The following TTK variants were observed in gnomAD, a reference collection of about 807,000 sequenced individuals.
TTK encodes the protein dual specificity protein kinase TTK.
TTK carries 59 observed loss-of-function variants against 117.3 expected under a neutral mutation model. That is an observed-to-expected ratio of 0.50 (90% CI 0.41 to 0.62). The LOEUF (loss-of-function observed/expected upper bound fraction) is 0.62. Ranked by LOEUF, TTK falls within the 20% of genes least tolerant of loss-of-function variation. TTK has a pLI of 0.00. For missense variants in TTK, 921 were observed against 989.4 expected (o/e 0.93, Z 0.93); for synonymous variants, 302 against 325.0 (o/e 0.93, Z 0.76).
chr6:80,010,772 A>G lies in TTK; in HGVS notation c.470-42A>G, dbSNP rs1357031960. 24 of 279,456 alleles carry G rather than the reference A, an allele frequency of 8.6e-5. No individual in the cohort carries two copies. The South Asian group carries it at 1.8e-3, about 21-fold the overall frequency. 17.3% of individuals were successfully genotyped at this position (279,456 alleles called of 1,614,324 possible). On this transcript the variant is annotated intron_variant, in intron 4 of 21. Transcript: ENST00000369798. ...TATCTGGGTGGTCTGGGTGGTGGGC[A>G]TTTTACTGCCTAAAAATGACAATTA... is the stretch of plus-strand genomic sequence containing the variant.
At chr6:80,035,513 G>A (rs1767882824) in intron 16 of TTK, 96 bp downstream of exon 16, 3 of 1,249,182 alleles carry the variant, frequency 2.4e-6, no homozygotes, top group Admixed American at 6.0e-5. Flanking sequence ...ATTGGTTATT[G>A]GTGTCTTTAA....
chr6:80,026,573 T>G, intron 12 of TTK, 59 bp downstream of exon 12: 1 of 1,591,082 alleles, frequency 6.3e-7, no homozygotes, highest in Non-Finnish European at 8.5e-7. Context: ...TAACATGGGC[T>G]TCTGGGCCAA....
chr6:80,040,481 G>A, intron 20 of TTK, 125 bp from the exon 21 acceptor site: 1 of 912,026 alleles, frequency 1.1e-6, no homozygotes, highest in East Asian at 2.9e-5. Flanking sequence ...ACTTATTCCA[G>A]ATAACGGGTT....
At chr6:80,021,001 G>T (rs1767443985) in intron 10 of TTK, among the ~76,000 whole-genome samples, 1 of 152,226 alleles carries the variant, frequency 6.6e-6, no homozygotes, top group Admixed American at 6.5e-5. Flanking sequence ...CCTGCATTGG[G>T]TCCAGATGGC....
At chr6:80,037,374 A>G (rs1446829068) in intron 17 of TTK, among the ~76,000 whole-genome samples, 2 of 152,116 alleles carry the variant, frequency 1.3e-5, no homozygotes, top group African/African-American at 4.8e-5. Flanking sequence ...TAAAGTAGAT[A>G]TATTCTGTGT....
rs1402074591 is a variant in TTK at position 80,027,898 on chromosome 6, G to C, written c.1408G>C (p.Val470Leu). ...TATATTTCCTAGTTTTAGAACTCCA[G>C]TTGTAAAGAATGACTTTCCACCTGC... is the stretch of plus-strand genomic sequence containing the variant. ...DDYMSCFRTP[V>L]VKNDFPPACQ... Residue 470 changes from valine to leucine, a missense_variant, in exon 13 of 22, where the codon GTT (valine) becomes CTT (leucine). Coordinates refer to ENST00000369798, the MANE Select transcript of TTK (RefSeq NM_003318.5). The C allele has an allele frequency of 1.9e-6, 3 of 1,597,620 alleles. No homozygotes were observed. Among genetic ancestry groups the C allele is most frequent in the African/African-American group, 1.3e-5 (1 of 74,402 alleles).
At chr6:80,022,821 T>G (rs1158630403) in intron 11 of TTK, among the ~76,000 whole-genome samples, 1 of 152,142 alleles carries the variant, frequency 6.6e-6, no homozygotes, top group African/African-American at 2.4e-5. Context: ...AAGAGCAGAG[T>G]TGATTAGTTG....
Position 80,036,497 on chromosome 6 carries a change from A to G in TTK, c.1947A>G (p.Lys649=). The stretch of plus-strand genomic sequence containing the variant: ...AAGGCATTGTTCACAGTGATCTTAA[A>G]CCAGCTAACTTTCTGATAGTTGATG... ...HQHGIVHSDL[K]PANFLIVDGM... Residue 649 remains lysine (K), a synonymous_variant, in exon 17 of 22, where the codon AAA becomes AAG. Coordinates refer to ENST00000369798, the MANE Select transcript of TTK (RefSeq NM_003318.5). 6.2e-7 allele frequency: 1 copy of G among 1,610,382 alleles called. No homozygotes were observed. Among genetic ancestry groups the G allele is most frequent in the Non-Finnish European group, 8.5e-7 (1 of 1,178,384 alleles).
intron 10 of TTK, among the ~76,000 whole-genome samples, chr6:80,021,788 A>G (rs1767465834): frequency 6.6e-6 from 1 of 152,160 alleles, no homozygotes. Context: ...CTGCAACTCC[A>G]TCTCTGCTTG....
chr6:80,017,711 T>C (rs1767348488), intron 10 of TTK, among the ~76,000 whole-genome samples: 1 of 152,224 alleles, frequency 6.6e-6, no homozygotes, highest in South Asian at 2.1e-4. Flanking sequence ...ATCTATCTTT[T>C]GGTTACCACT....
Position 80,010,964 on chromosome 6 carries a change from A to G in TTK, c.613+7A>G, listed in dbSNP as rs755841806. The G allele has an allele frequency of 5.0e-6, 8 of 1,610,654 alleles. No individual in the cohort carries two copies. The African/African-American group carries it at 5.4e-5, about 11-fold the overall frequency. ...GAAAAGAAGAATTTATCAGGTAACT[A>G]TTAAGGTATACTAATACTTTCTGTG... On this transcript the variant is annotated splice_region_variant and intron_variant, in intron 5 of 21. Transcript: ENST00000369798.
chr6:80,029,843 C>T (rs1375731122), intron 13 of TTK, among the ~76,000 whole-genome samples: 1 of 152,150 alleles, frequency 6.6e-6, no homozygotes, highest in East Asian at 1.9e-4. Context: ...AGTGTTGAGT[C>T]AGAAATAAGA....
At position 80,041,950 on chromosome 6, in the gene TTK, GT is replaced by G. The variant is rs576860469; in HGVS notation, c.2491-168del. Among the ~76,000 whole-genome samples the G allele has an allele frequency of 5.9e-5, 9 of 151,636 alleles. No homozygotes were observed. The South Asian group carries it at 1.9e-3, about 31-fold the overall frequency. ...TAGGTAATGCTTAAGGCCAAGCTTC[GT>G]GTTTAAAATTCTTTATTATCTCTAA... On this transcript the variant is annotated intron_variant, in intron 21 of 21. Transcript: ENST00000369798.
Position 80,034,993 on chromosome 6 carries a change from G to T in TTK, c.1623G>T (p.Gln541His). Residue 541 changes from glutamine to histidine, a missense_variant, in exon 15 of 22, where the codon CAG becomes CAT. Coordinates refer to ENST00000369798, the MANE Select transcript of TTK (RefSeq NM_003318.5). ...IGSGGSSKVF[Q>H]VLNEKKQIYA... ...TTTGTTCTACTCTGTAGGTATTTCAGGTGTTAAATGAAAAGAAACAGATAT... is the reference window on the plus strand; with the variant it reads ...TTTGTTCTACTCTGTAGGTATTTCATGTGTTAAATGAAAAGAAACAGATAT... The T allele has an allele frequency of 6.4e-7, 1 of 1,560,888 alleles. No homozygotes were observed. Among genetic ancestry groups the T allele is most frequent in the South Asian group, 1.2e-5 (1 of 80,604 alleles).
intron 18 of TTK, among the ~76,000 whole-genome samples, chr6:80,038,690 C>G (rs1371087446): frequency 6.6e-6 from 1 of 152,058 alleles, no homozygotes; most frequent in African/African-American, 2.4e-5. Flanking sequence ...CTTAGAAAAT[C>G]TGGCTTGTAA....
At chr6:80,022,665 AT>A (rs1186862450) in intron 11 of TTK, among the ~76,000 whole-genome samples, 193 bp downstream of exon 11, 2 of 152,150 alleles carry the variant, frequency 1.3e-5, no homozygotes, top group Non-Finnish European at 2.9e-5. Flanking sequence ...AGGCTAAATT[AT>A]TTTCTATCTT....
At position 80,034,009 on chromosome 6, in the gene TTK, A is replaced by G. The variant is rs544528817; in HGVS notation, c.1615-976A>G. Among the ~76,000 whole-genome samples, 28 of 152,254 alleles carry G rather than the reference A, an allele frequency of 1.8e-4. No individual in the cohort carries two copies. The South Asian group carries it at 5.8e-3, about 32-fold the overall frequency. On this transcript the variant is annotated intron_variant, in intron 14 of 21. Coordinates refer to ENST00000369798, the MANE Select transcript of TTK (RefSeq NM_003318.5). ...ATTTTAACATTTTTTTCCTTGGAGT[A>G]TAATGAAGGTGTAAGCTTACTTAAG...
chr6:80,015,615 A>G (rs1034205485), intron 10 of TTK, among the ~76,000 whole-genome samples: 2 of 152,168 alleles, frequency 1.3e-5, no homozygotes, highest in African/African-American at 4.8e-5. Flanking sequence ...TCTTATTCCT[A>G]GCGTTTGGTG....
At chr6:80,014,731 G>A in intron 10 of TTK, 145 bp downstream of exon 10, 3 of 793,028 alleles carry the variant, frequency 3.8e-6, no homozygotes, top group South Asian at 3.5e-5. Flanking sequence ...GTTATATAGG[G>A]TATATGAAAA....
Sources: gnomAD v4.1 joint callset for allele counts (sites outside exome capture counted in the v4.1 genomes callset) on GRCh38, gnomAD v4.1.1 for gene constraint, MANE v1.5 for transcripts, NCBI Gene and HGNC (gene_info 2026-07-23, HGNC 2026-07-21) for gene names.